CYP4F11: variants seen among roughly 807,000 people sequenced by gnomAD.
CYP4F11 encodes cytochrome P450 4F11.
In CYP4F11, 79 loss-of-function variants were observed where a neutral mutation model predicts 62.2. The observed-to-expected ratio is 1.27, with a 90% CI of 1.06 to 1.53. The LOEUF (loss-of-function observed/expected upper bound fraction) is 1.53. CYP4F11 is among the 40% of genes most tolerant of loss of function. The pLI is 0.00. For synonymous variants in CYP4F11, 290 were observed against 263.7 expected, an observed-to-expected ratio of 1.10 and a Z score of -0.97; for missense variants, 777 against 680.5, an observed-to-expected ratio of 1.14 and a Z score of -1.58.
intron 6 of CYP4F11, among the ~76,000 whole-genome samples, chr19:15,923,058 A>C (rs2089640892): frequency 6.6e-6 from 1 of 152,184 alleles, no homozygotes; most frequent in Non-Finnish European, 1.5e-5. Flanking sequence ...TCTCAAAAAA[A>C]ATGAAAGAAA....
In CYP4F11 at chr19:15,914,671, G is replaced by T. The variant is rs764572598; in HGVS notation, c.1250-5C>A. 1.9e-6 allele frequency: 3 copies of T among 1,614,224 alleles called. No individual in the cohort carries two copies. In the Admixed American group the frequency reaches 5.0e-5, roughly 27 times the overall value. ...TATTGATGAGGCAGACAATGCCTGTGGGAGAGAAGAGGGCAGTCAGGACAA... is the reference window on the plus strand; with the variant it reads ...TATTGATGAGGCAGACAATGCCTGTTGGAGAGAAGAGGGCAGTCAGGACAA... On this transcript the variant is annotated splice_polypyrimidine_tract_variant and splice_region_variant and intron_variant, in intron 9 of 11. Coordinates refer to ENST00000402119, the MANE Select transcript of CYP4F11 (RefSeq NM_021187.4).
Position 15,912,739 on chromosome 19 carries a change from G to GTGTGTGTGTGTGTGTATA in CYP4F11, c.*992_*993insTATACACACACACACACA. The GTGTGTGTGTGTGTGTATA allele has an allele frequency of 2.7e-5, 1 of 37,604 alleles. No homozygotes were observed. Among genetic ancestry groups the GTGTGTGTGTGTGTGTATA allele is most frequent in the South Asian group, 1.1e-3 (1 of 932 alleles). The allele number at this position is 37,604 out of a possible 1,614,324, so 2.3% of individuals were successfully genotyped here. A position where few individuals can be genotyped will look rare whatever the true frequency, so the allele number is the denominator to read the frequency against. On this transcript the variant is annotated 3_prime_UTR_variant, in exon 12 of 12. Coordinates refer to ENST00000402119, the MANE Select transcript of CYP4F11 (RefSeq NM_021187.4). The stretch of plus-strand genomic sequence containing the variant: ...TGTGTGTGTGTGTGTGTGTGTATAT[G>GTGTGTGTGTGTGTGTATA]TATATATGTGTGTGTGTGTGTGTGT...
chr19:15,929,319 A>G, intron 2 of CYP4F11, 138 bp downstream of exon 2: 1 of 1,168,816 alleles, frequency 8.6e-7, no homozygotes, highest in East Asian at 2.4e-5. Flanking sequence ...TACATGAAGG[A>G]AAGAGGAACA....
At position 15,927,221 on chromosome 19, in the gene CYP4F11, G is replaced by A. The variant is rs1426085349; in HGVS notation, c.516C>T (p.Asn172=). 6.2e-7 allele frequency: 1 copy of A among 1,613,992 alleles called. No homozygotes were observed. The highest frequency in any genetic ancestry group is 8.5e-7 in the Non-Finnish European group (1 of 1,179,928). The change falls in exon 4 of 12, where the codon AAC becomes AAT. Residue 172 remains asparagine (N), a synonymous_variant. Transcript: ENST00000402119. The part of the protein sequence containing the change: ...PYMKIFNKSV[N]IMHDKWQRLA... Reference sequence around the variant, plus strand: ...AGTTCAAGGGACTCACGTGCATGATGTTCACACTCTTGTTGAAAATCTTCA... The same window carrying A: ...AGTTCAAGGGACTCACGTGCATGATATTCACACTCTTGTTGAAAATCTTCA...
Position 15,934,439 on chromosome 19 carries a change from T to C in CYP4F11, c.-31A>G. The C allele has an allele frequency of 6.2e-7, 1 of 1,608,706 alleles. No individual in the cohort carries two copies. The highest frequency in any genetic ancestry group is 8.5e-7 in the Non-Finnish European group (1 of 1,178,304). On this transcript the variant is annotated 5_prime_UTR_variant, in exon 1 of 12. Coordinates refer to ENST00000402119, the MANE Select transcript of CYP4F11 (RefSeq NM_021187.4). ...AGGGCAGACGGGATGGAGGGTGGGA[T>C]CCTGAGGCCCAGGGAAGGGCCCAGG...
In CYP4F11 at chr19:15,913,626, A is replaced by T. The variant is rs45599331; in HGVS notation, c.*106T>A. On this transcript the variant is annotated 3_prime_UTR_variant, in exon 12 of 12. Coordinates refer to ENST00000402119, the MANE Select transcript of CYP4F11 (RefSeq NM_021187.4). ...CACTCACCTCCCTTTCTTAGATCCC[A>T]CCAGTCCCCAGGAGCCCCATGCTGG... 0.055 allele frequency: 79,049 copies of T among 1,427,880 alleles called. 2,705 individuals are homozygous for T. The highest frequency in any genetic ancestry group is 0.06 in the Non-Finnish European group (61,859 of 1,038,402). The allele number at this position is 1,427,880 out of a possible 1,614,324, so 88.5% of individuals were successfully genotyped here.
chr19:15,931,705 G>C (rs1223464164), intron 1 of CYP4F11, among the ~76,000 whole-genome samples: 84 of 55,052 alleles, frequency 1.5e-3, no homozygotes, highest in South Asian at 2.1e-3. Flanking sequence ...AGTGAGCGAG[G>C]AGAGGAATGA....
chr19:15,912,789 A>ATAT lies in CYP4F11; in HGVS notation c.*942_*943insATA, dbSNP rs10637763. 6 of 95,794 alleles carry ATAT rather than the reference A, an allele frequency of 6.3e-5. No homozygotes were observed. Among genetic ancestry groups the ATAT allele is most frequent in the African/African-American group, 3.1e-4 (6 of 19,132 alleles). The allele number at this position is 95,794 out of a possible 1,614,324, so 5.9% of individuals were successfully genotyped here. Reference sequence around the variant, plus strand: ...TGTGTGTGTATATATATATATATATAATATATATATATATATACATATCTT... The same window carrying ATAT: ...TGTGTGTGTATATATATATATATATATATATATATATATATATATACATATCTT... On this transcript the variant is annotated 3_prime_UTR_variant, in exon 12 of 12. Transcript: ENST00000402119.
intron 6 of CYP4F11, among the ~76,000 whole-genome samples, chr19:15,923,281 T>TCTCTG: frequency 1.6e-5 from 1 of 63,978 alleles, no homozygotes; most frequent in South Asian, 5.8e-4. Context: ...CTCTCTCTCT[T>TCTCTG]TCTCATTCCC....
chr19:15,927,688 A>C, intron 2 of CYP4F11: 1 of 624,492 alleles, frequency 1.6e-6, no homozygotes. Flanking sequence ...GAGCAATAAC[A>C]CAGCATGCCC....
At chr19:15,927,382 C>T in intron 3 of CYP4F11, 43 bp from the exon 4 acceptor site, 1 of 1,613,950 alleles carries the variant, frequency 6.2e-7, no homozygotes, top group Non-Finnish European at 8.5e-7. Context: ...CAGCACCCTC[C>T]CTTATCCCTA....
intron 8 of CYP4F11, among the ~76,000 whole-genome samples, chr19:15,918,746 A>G (rs1046433962): frequency 1.3e-5 from 2 of 152,200 alleles, no homozygotes; most frequent in African/African-American, 4.8e-5. Flanking sequence ...CTAGTACCAT[A>G]GAATACAATG....
chr19:15,927,890 C>T (rs2089682676), intron 2 of CYP4F11: 2 of 193,556 alleles, frequency 1.0e-5, no homozygotes, highest in Middle Eastern at 1.9e-3. Flanking sequence ...CCTGACATGG[C>T]CAAAACACAT....
intron 6 of CYP4F11, 103 bp downstream of exon 6, chr19:15,923,709 T>G: frequency 6.8e-7 from 1 of 1,464,908 alleles, no homozygotes; most frequent in East Asian, 2.3e-5. Context: ...TCAAGCATGT[T>G]CCATGGCTCC....
Position 15,922,132 on chromosome 19 carries a change from G to A in CYP4F11, c.1020C>T (p.Val340=). 1 of 1,613,718 alleles carries A rather than the reference G, an allele frequency of 6.2e-7. No homozygotes were observed. Among genetic ancestry groups the A allele is most frequent in the Non-Finnish European group, 8.5e-7 (1 of 1,179,882 alleles). ...HDTTASGLSW[V]LYHLAKHPEY... ...CTGGGTGCTTTGCAAGGTGGTATAG[G>A]ACCCAGGAGAGACCACTGGCTGTAG... Residue 340 remains valine (V), a synonymous_variant, in exon 8 of 12, where the codon GTC becomes GTT. Transcript: ENST00000402119.
In CYP4F11 at chr19:15,912,680, A is replaced by AAAAT. The variant is rs59091525; in HGVS notation, c.*1051_*1052insATTT. 20 of 66,148 alleles carry AAAAT rather than the reference A, an allele frequency of 3.0e-4. No individual in the cohort carries two copies. The highest frequency in any genetic ancestry group is 8.3e-3 in the Middle Eastern group (1 of 120). The allele number at this position is 66,148 out of a possible 1,614,324, so 4.1% of individuals were successfully genotyped here. On this transcript the variant is annotated 3_prime_UTR_variant, in exon 12 of 12. Transcript: ENST00000402119. Reference sequence around the variant, plus strand: ...TCACCATCCTCAGGAAAAAAAAAAAAATATATATATATATATATGTGTGTG... The same window carrying AAAAT: ...TCACCATCCTCAGGAAAAAAAAAAAAAAATATATATATATATATATATGTGTGTG...
At chr19:15,931,448 G>A (rs12973181) in intron 1 of CYP4F11, among the ~76,000 whole-genome samples, 44,707 of 151,316 alleles carry the variant, frequency 0.3, 7,124 homozygotes, top group South Asian at 0.46. Context: ...AGTAACACAG[G>A]GAAGACAGGC....
chr19:15,914,712 G>A (rs1398968415), intron 9 of CYP4F11, 46 bp from the exon 10 acceptor site: 3 of 1,613,964 alleles, frequency 1.9e-6, no homozygotes, highest in African/African-American at 1.3e-5. Flanking sequence ...CCCTGCCTGA[G>A]GGACCCCTCT....
At chr19:15,918,592 G>A (rs1175765663) in intron 8 of CYP4F11, among the ~76,000 whole-genome samples, 1 of 152,122 alleles carries the variant, frequency 6.6e-6, no homozygotes, top group East Asian at 1.9e-4. Context: ...TTGGGAATTT[G>A]TCCTGCAGAG....
Sources: gnomAD v4.1 joint callset for allele counts (sites outside exome capture counted in the v4.1 genomes callset) on GRCh38, gnomAD v4.1.1 for gene constraint, MANE v1.5 for transcripts, NCBI Gene and HGNC (gene_info 2026-07-23, HGNC 2026-07-21) for gene names.